Variants in GRID2 observed in about 807,000 individuals in gnomAD.
The protein encoded by GRID2 is glutamate ionotropic receptor delta type subunit 2.
Under a neutral mutation model 114.8 loss-of-function variants are expected in GRID2, and 33 were observed. The ratio of observed to expected loss-of-function variants is 0.29; its 90% CI spans 0.22 to 0.38. The LOEUF is 0.38. Among genes scored for constraint, GRID2 ranks in the 10% least tolerant of loss-of-function variants. The pLI is 1.00. For missense variants in GRID2, 1,184 were observed against 1,257.7 expected, an observed-to-expected ratio of 0.94 and a Z score of 0.89; for synonymous variants, 505 against 449.9, an observed-to-expected ratio of 1.12 and a Z score of -1.55.
At chr4:93,763,249 G>T (rs2110317248) in intron 14 of GRID2, among the ~76,000 whole-genome samples, 1 of 152,228 alleles carries the variant, frequency 6.6e-6, no homozygotes, top group Non-Finnish European at 1.5e-5. Context: ...GAGAAGAAAT[G>T]GGAAGAATTG....
At chr4:93,380,170 C>T (rs894183353) in intron 8 of GRID2, among the ~76,000 whole-genome samples, 16 of 151,988 alleles carry the variant, frequency 1.1e-4, no homozygotes, top group Non-Finnish European at 2.9e-5. Context: ...GGCTCCAAAT[C>T]TAATGGCAAG....
intron 4 of GRID2, among the ~76,000 whole-genome samples, chr4:93,182,964 C>T (rs903845688): frequency 2.0e-5 from 3 of 152,140 alleles, no homozygotes; most frequent in Non-Finnish European, 4.4e-5. Context: ...TTGCGAAGCC[C>T]CGCAGGTGTT....
chr4:93,451,076 G>A (rs2149405157), intron 10 of GRID2, among the ~76,000 whole-genome samples: 1 of 151,848 alleles, frequency 6.6e-6, no homozygotes, highest in South Asian at 2.1e-4. Context: ...GTTTAGTAGG[G>A]GCTCCATCTT....
intron 1 of GRID2, among the ~76,000 whole-genome samples, chr4:92,411,655 G>GTGTATATATATA: frequency 3.3e-4 from 28 of 84,678 alleles, no homozygotes; most frequent in African/African-American, 1.4e-3. Context: ...GTGTGTGTGT[G>GTGTATATATATA]TATATATATA....
chr4:93,199,955 G>C (rs1741895653), intron 4 of GRID2, among the ~76,000 whole-genome samples: 1 of 152,150 alleles, frequency 6.6e-6, no homozygotes, highest in Non-Finnish European at 1.5e-5. Flanking sequence ...GAGAAGGTTG[G>C]AGTTTCGTAT....
chr4:93,806,550 C>G (rs1735037190), intron 1 of GRID2, among the ~76,000 whole-genome samples: 1 of 152,218 alleles, frequency 6.6e-6, no homozygotes, highest in Non-Finnish European at 1.5e-5. Context: ...ACCTGTGAAG[C>G]CCTACATGGG....
At chr4:92,903,782 G>T (rs1747754153) in intron 2 of GRID2, among the ~76,000 whole-genome samples, 1 of 151,886 alleles carries the variant, frequency 6.6e-6, no homozygotes, top group Admixed American at 6.6e-5. Flanking sequence ...GAAACAAGTA[G>T]TTGCCAGGCA....
intron 2 of GRID2, among the ~76,000 whole-genome samples, chr4:92,830,788 C>T (rs1006153511): frequency 1.3e-5 from 2 of 152,110 alleles, no homozygotes; most frequent in Admixed American, 6.6e-5. Context: ...ACTTATTCTA[C>T]CTAGGTCTAC....
At chr4:92,946,103 A>G (rs553276191) in intron 2 of GRID2, among the ~76,000 whole-genome samples, 2 of 152,130 alleles carry the variant, frequency 1.3e-5, no homozygotes, top group African/African-American at 4.8e-5. Flanking sequence ...TTAAAAAATT[A>G]TATTTTCTAG....
At chr4:92,395,243 G>A (rs1243380401) in intron 1 of GRID2, among the ~76,000 whole-genome samples, 4 of 151,434 alleles carry the variant, frequency 2.6e-5, no homozygotes, top group African/African-American at 9.7e-5. Flanking sequence ...TATGATTTTG[G>A]AGAATTCATA....
intron 2 of GRID2, among the ~76,000 whole-genome samples, chr4:92,610,782 T>C (rs963793696): frequency 1.3e-5 from 2 of 151,800 alleles, no homozygotes; most frequent in East Asian, 3.9e-4. Context: ...GATTAGCCTC[T>C]TCTGGGCATT....
intron 14 of GRID2, among the ~76,000 whole-genome samples, chr4:93,746,884 A>T (rs959852981): frequency 6.6e-6 from 1 of 152,088 alleles, no homozygotes; most frequent in Non-Finnish European, 1.5e-5. Context: ...CTAAGAAATT[A>T]ACTCTTTTTT....
chr4:93,335,853 T>C (rs1229929215), intron 8 of GRID2, among the ~76,000 whole-genome samples: 1 of 151,960 alleles, frequency 6.6e-6, no homozygotes, highest in Non-Finnish European at 1.5e-5. Flanking sequence ...CACACTATCA[T>C]ATTCGGCTAG....
At chr4:93,636,155 A>C (rs1042842208) in intron 14 of GRID2, among the ~76,000 whole-genome samples, 18 of 152,180 alleles carry the variant, frequency 1.2e-4, no homozygotes, top group African/African-American at 4.3e-4. Context: ...AAGATAAATG[A>C]CTAGTGCAAG....
intron 14 of GRID2, among the ~76,000 whole-genome samples, chr4:93,702,328 G>T (rs1451015921): frequency 2.0e-5 from 3 of 152,022 alleles, no homozygotes; most frequent in Admixed American, 2.0e-4. Flanking sequence ...TTTGCAAATT[G>T]GCATCATATT....
At chr4:93,328,978 C>A (rs1181174031) in intron 8 of GRID2, among the ~76,000 whole-genome samples, 1 of 152,030 alleles carries the variant, frequency 6.6e-6, no homozygotes, top group Non-Finnish European at 1.5e-5. Flanking sequence ...TTTCTTGCTG[C>A]AGTTTTAGTA....
intron 2 of GRID2, among the ~76,000 whole-genome samples, chr4:92,740,127 A>T (rs531961039): frequency 1.3e-5 from 2 of 152,088 alleles, no homozygotes; most frequent in East Asian, 1.9e-4. Context: ...TCTGCTTTGG[A>T]TCGTGTTTTA....
chr4:92,426,906 A>T (rs1223271834), intron 1 of GRID2, among the ~76,000 whole-genome samples: 1 of 152,114 alleles, frequency 6.6e-6, no homozygotes, highest in Non-Finnish European at 1.5e-5. Context: ...TGAGCCATCC[A>T]AGGGCTCATG....
rs142170426 is a variant in GRID2, at chr4:93,418,769, A to G, written c.1348-4002A>G. Among the ~76,000 whole-genome samples, 386 of 152,176 alleles carry G rather than the reference A, an allele frequency of 2.5e-3. 1 individual carries two copies. The highest frequency in any genetic ancestry group is 8.6e-3 in the African/African-American group (358 of 41,580). Reference sequence around the variant, plus strand: ...TATTCAAAAATTATTTGAAGGAATCATGTTACACCTAAAGTAATATTACCT... The same window carrying G: ...TATTCAAAAATTATTTGAAGGAATCGTGTTACACCTAAAGTAATATTACCT... On this transcript the variant is annotated intron_variant, in intron 9 of 15. Coordinates refer to ENST00000282020, the MANE Select transcript of GRID2 (RefSeq NM_001510.4).
Sources: gnomAD v4.1 joint callset for allele counts (sites outside exome capture counted in the v4.1 genomes callset) on GRCh38, gnomAD v4.1.1 for gene constraint, MANE v1.5 for transcripts, NCBI Gene and HGNC (gene_info 2026-07-23, HGNC 2026-07-21) for gene names.